MTUS2: variants seen among roughly 807,000 people sequenced by gnomAD.
MTUS2 encodes microtubule-associated tumor suppressor candidate 2.
In MTUS2, 40 loss-of-function variants were observed where a neutral mutation model predicts 114.1. That is an observed-to-expected ratio of 0.35 (90% CI 0.27 to 0.46). The LOEUF (loss-of-function observed/expected upper bound fraction) is 0.46. Ranked by LOEUF, MTUS2 falls within the 20% of genes least tolerant of loss-of-function variation. MTUS2 has a pLI of 1.00. For synonymous variants in MTUS2, 688 were observed against 672.0 expected, an observed-to-expected ratio of 1.02 and a Z score of -0.37; for missense variants, 1,679 against 1,705.4, an observed-to-expected ratio of 0.98 and a Z score of 0.27.
chr13:29,399,994 A>G (rs1874200695), intron 8 of MTUS2, among the ~76,000 whole-genome samples: 1 of 152,222 alleles, frequency 6.6e-6, no homozygotes, highest in Non-Finnish European at 1.5e-5. Flanking sequence ...ATAGAAAAGG[A>G]GTATCTACAA....
Position 29,069,838 on chromosome 13 carries a change from G to T in MTUS2, c.2447-30935G>T, listed in dbSNP as rs1336885169. On this transcript the variant is annotated intron_variant, in intron 4 of 15. Transcript: ENST00000612955. ...TAGTAAAGATGAGGATGAATAATTT[G>T]GATTTTTTTTGTCCTGTTACTTTTG... is the stretch of plus-strand genomic sequence containing the variant. Among the ~76,000 whole-genome samples the T allele has an allele frequency of 2.6e-5, 4 of 152,136 alleles. No individual in the cohort carries two copies. The East Asian group carries it at 7.7e-4, about 29-fold the overall frequency.
At chr13:28,907,584 A>G (rs1421267510) in intron 2 of MTUS2, among the ~76,000 whole-genome samples, 1 of 151,460 alleles carries the variant, frequency 6.6e-6, no homozygotes, top group Non-Finnish European at 1.5e-5. Flanking sequence ...GAAAACAAAA[A>G]AAGGCAGGGG....
chr13:28,999,965 T>G (rs1451792917), intron 2 of MTUS2, among the ~76,000 whole-genome samples: 1 of 152,262 alleles, frequency 6.6e-6, no homozygotes, highest in East Asian at 1.9e-4. Flanking sequence ...TTCTTTTTAA[T>G]AGCTGAATAG....
At chr13:29,464,072 C>A (rs763999615) in intron 9 of MTUS2, among the ~76,000 whole-genome samples, 18 of 152,338 alleles carry the variant, frequency 1.2e-4, no homozygotes, top group Non-Finnish European at 2.1e-4. Context: ...CCTGCAGACT[C>A]TGGAGGTCCT....
chr13:28,992,688 T>G (rs1233758370), intron 2 of MTUS2, among the ~76,000 whole-genome samples: 8 of 152,230 alleles, frequency 5.3e-5, no homozygotes, highest in African/African-American at 1.9e-4. Flanking sequence ...CCCTGGGCCC[T>G]TGGATAATGA....
intron 4 of MTUS2, among the ~76,000 whole-genome samples, chr13:29,056,175 GCA>G: frequency 6.6e-6 from 1 of 151,950 alleles, no homozygotes; most frequent in Non-Finnish European, 1.5e-5. Flanking sequence ...GTCCAGATAG[GCA>G]TTTCCTAAGT....
chr13:29,060,295 T>C (rs557477679), intron 4 of MTUS2, among the ~76,000 whole-genome samples: 16 of 152,184 alleles, frequency 1.1e-4, no homozygotes, highest in African/African-American at 3.6e-4. Flanking sequence ...TTTAGAAGCA[T>C]AGGGGTGGGG....
chr13:29,281,387 CTGTGTG>C (rs755842647), intron 5 of MTUS2, among the ~76,000 whole-genome samples: 258 of 150,042 alleles, frequency 1.7e-3, no homozygotes, highest in Non-Finnish European at 3.0e-3. Context: ...CATAAGCGAA[CTGTGTG>C]TGTGTGTGCA....
chr13:29,471,218 C>G (rs1293776909), intron 9 of MTUS2, among the ~76,000 whole-genome samples: 2 of 152,038 alleles, frequency 1.3e-5, no homozygotes, highest in African/African-American at 4.8e-5. Flanking sequence ...TGGCGCGTGC[C>G]TGTAATCCCA....
intron 5 of MTUS2, among the ~76,000 whole-genome samples, chr13:29,197,200 C>T (rs907561583): frequency 1.3e-5 from 2 of 152,144 alleles, no homozygotes; most frequent in African/African-American, 4.8e-5. Context: ...GGTATTTGTC[C>T]TAATGATATC....
chr13:29,023,385 A>G (rs1169424770), intron 2 of MTUS2, among the ~76,000 whole-genome samples: 1 of 152,192 alleles, frequency 6.6e-6, no homozygotes, highest in Non-Finnish European at 1.5e-5. Flanking sequence ...TTGCAGATGT[A>G]ATAGAATTAT....
intron 6 of MTUS2, among the ~76,000 whole-genome samples, chr13:29,289,740 C>T (rs547539221): frequency 6.6e-6 from 1 of 152,234 alleles, no homozygotes; most frequent in Admixed American, 6.5e-5. Context: ...GCTGGGATTA[C>T]AGGCTTGAGC....
At chr13:29,436,901 G>A (rs762025887) in intron 8 of MTUS2, among the ~76,000 whole-genome samples, 1 of 151,412 alleles carries the variant, frequency 6.6e-6, no homozygotes, top group African/African-American at 2.4e-5. Flanking sequence ...GACAGGGAAG[G>A]CCTGACCACA....
intron 5 of MTUS2, among the ~76,000 whole-genome samples, chr13:29,261,032 C>T (rs1346115562): frequency 6.6e-6 from 1 of 151,896 alleles, no homozygotes; most frequent in African/African-American, 2.4e-5. Context: ...CTGTGTCTGG[C>T]AATAAAATCA....
At chr13:29,191,756 C>G (rs1424744368) in intron 5 of MTUS2, among the ~76,000 whole-genome samples, 1 of 152,158 alleles carries the variant, frequency 6.6e-6, no homozygotes, top group Non-Finnish European at 1.5e-5. Context: ...AAATAAATAA[C>G]TCAAGGCATA....
At chr13:28,996,424 GGGA>G (rs1885108581) in intron 2 of MTUS2, among the ~76,000 whole-genome samples, 1 of 152,150 alleles carries the variant, frequency 6.6e-6, no homozygotes. Context: ...AAATGAGTTA[GGGA>G]GGATTCCCTC....
intron 2 of MTUS2, among the ~76,000 whole-genome samples, chr13:28,858,921 C>T (rs1016515782): frequency 2.0e-5 from 3 of 152,110 alleles, no homozygotes; most frequent in Non-Finnish European, 2.9e-5. Flanking sequence ...CCAGTGCACA[C>T]TCCCTGAACT....
At chr13:28,867,207 A>AAG (rs1468628930) in intron 2 of MTUS2, among the ~76,000 whole-genome samples, 2 of 152,256 alleles carry the variant, frequency 1.3e-5, no homozygotes, top group East Asian at 3.8e-4. Flanking sequence ...TGTGCTCTTT[A>AAG]ATGTTAAGCA....
intron 6 of MTUS2, among the ~76,000 whole-genome samples, chr13:29,294,010 T>C (rs1160035931): frequency 6.6e-6 from 1 of 152,122 alleles, no homozygotes; most frequent in African/African-American, 2.4e-5. Flanking sequence ...ATTTTGTTCT[T>C]TCTATATTGT....
Sources: gnomAD v4.1 joint callset for allele counts (sites outside exome capture counted in the v4.1 genomes callset) on GRCh38, gnomAD v4.1.1 for gene constraint, MANE v1.5 for transcripts, NCBI Gene and HGNC (gene_info 2026-07-23, HGNC 2026-07-21) for gene names.